Variants in FER1L6 observed in about 807,000 individuals in gnomAD.
The protein encoded by FER1L6 is fer-1-like protein 6.
FER1L6 carries 177 observed loss-of-function variants against 219.2 expected under a neutral mutation model. The ratio of observed to expected loss-of-function variants is 0.81; its 90% CI spans 0.71 to 0.91. The LOEUF (loss-of-function observed/expected upper bound fraction) is 0.91, where lower values mean the gene tolerates loss of function less well. FER1L6 is among the 40% of genes least tolerant of loss of function. The probability of loss-of-function intolerance (pLI) is 0.00; values close to 1 mark genes in which losing one functional copy is unlikely to be tolerated. For synonymous variants in FER1L6, 768 were observed against 824.3 expected (o/e 0.93, Z 1.17); for missense variants, 2,153 against 2,259.9 (o/e 0.95, Z 0.96).
chr8:123,980,727 A>C lies in FER1L6; in HGVS notation c.1326A>C (p.Lys442Asn), dbSNP rs933328316. ...CCAAAGGTAAAGACAAGGCTGACAAAACTGAAGATGGAAAATCCCAACAGG... is the reference window on the plus strand; with the variant it reads ...CCAAAGGTAAAGACAAGGCTGACAACACTGAAGATGGAAAATCCCAACAGG... ...KSSKGKDKAD[K>N]TEDGKSQQAS... is the part of the protein sequence containing the mutation. The change falls in exon 11 of 41, where the codon AAA (lysine) becomes AAC (asparagine). Residue 442 changes from lysine to asparagine, a missense_variant. By Grantham distance (94) the Lys-to-Asn change is moderately conservative. Transcript: ENST00000522917. 3.3e-5 allele frequency: 53 copies of C among 1,614,038 alleles called. No homozygotes were observed. The highest frequency in any genetic ancestry group is 4.3e-5 in the Non-Finnish European group (51 of 1,180,024).
At chr8:123,976,217 T>G (rs529370982) in intron 9 of FER1L6, 133 bp downstream of exon 9, 25 of 741,798 alleles carry the variant, frequency 3.4e-5, no homozygotes, top group Non-Finnish European at 5.1e-5. Context: ...AAAAAGGCAA[T>G]GGGGCCAGGC....
rs376465322 is a variant in FER1L6, at chr8:124,076,282, C to T, written c.4177C>T (p.Arg1393Trp). The change falls in exon 32 of 41, where the codon CGG becomes TGG. Residue 1393 changes from arginine to tryptophan, a missense_variant. Transcript: ENST00000522917. ...IKLGKTEIKDRDKYIPKQLNP... is the reference protein window; with the variant it reads ...IKLGKTEIKDWDKYIPKQLNP... Reference sequence around the variant, plus strand: ...GCTTGGCAAGACAGAAATCAAAGACCGGGATAAATACATCCCTAAACAACT... The same window carrying T: ...GCTTGGCAAGACAGAAATCAAAGACTGGGATAAATACATCCCTAAACAACT... The T allele has an allele frequency of 4.5e-5, 72 of 1,613,792 alleles. No homozygotes were observed. In the African/African-American group the frequency reaches 8.1e-4, roughly 18 times the overall value.
Position 123,853,473 on chromosome 8 carries a change from T to C in FER1L6, c.-8+1288T>C, listed in dbSNP as rs537303879. On this transcript the variant is annotated intron_variant, in intron 1 of 40. Transcript: ENST00000522917. This position sits in a 1 kb window ranked among gnomAD's most constrained non-coding sequence, Gnocchi z 6.6. ...CCCGGCCTAAAATAGAAGAAATCAT[T>C]TTTATTCAACAGTTCTTAGAAAGGT... Among the ~76,000 whole-genome samples, 4 of 152,204 alleles carry C rather than the reference T, an allele frequency of 2.6e-5. No individual in the cohort carries two copies. The highest frequency in any genetic ancestry group is 4.8e-5 in the African/African-American group (2 of 41,452).
intron 2 of FER1L6, among the ~76,000 whole-genome samples, chr8:123,956,681 G>T (rs9297681): frequency 0.045 from 6,867 of 152,314 alleles, 436 homozygotes; most frequent in African/African-American, 0.14. Context: ...AGTGTCAAGA[G>T]GGTGACCGCA....
At chr8:124,012,297 C>T (rs1401046914) in intron 14 of FER1L6, among the ~76,000 whole-genome samples, 1 of 152,222 alleles carries the variant, frequency 6.6e-6, no homozygotes. Context: ...GGTCAGGAGG[C>T]CTAGTCTGGG....
intron 5 of FER1L6, among the ~76,000 whole-genome samples, chr8:123,967,771 C>T (rs1011046593): frequency 2.6e-5 from 4 of 152,122 alleles, no homozygotes; most frequent in Non-Finnish European, 4.4e-5. Flanking sequence ...GCCTGACCAA[C>T]GTGGTGAAAC....
At chr8:124,004,074 T>C (rs1817547611) in intron 13 of FER1L6, 1 of 143,904 alleles carries the variant, frequency 6.9e-6, no homozygotes, top group African/African-American at 2.6e-5. Context: ...CATCATTTCT[T>C]ATCTTATTTT....
chr8:123,910,285 C>G (rs4871421), intron 1 of FER1L6, among the ~76,000 whole-genome samples: 39,949 of 152,108 alleles, frequency 0.26, 5,534 homozygotes, highest in East Asian at 0.43. Flanking sequence ...GAGAATTTGA[C>G]TGGGGAAAGA....
intron 20 of FER1L6, among the ~76,000 whole-genome samples, chr8:124,043,621 C>T (rs1252087728): frequency 1.3e-5 from 2 of 152,216 alleles, no homozygotes; most frequent in Non-Finnish European, 2.9e-5. Flanking sequence ...TTTAAAGTCA[C>T]ATGGCTGATA....
chr8:123,962,749 T>A (rs1314403378), intron 2 of FER1L6, among the ~76,000 whole-genome samples: 3 of 152,210 alleles, frequency 2.0e-5, no homozygotes, highest in African/African-American at 7.2e-5. Flanking sequence ...TGCCTTAGCC[T>A]CCCAAGTAGC....
chr8:124,000,420 T>TG (rs367619369), intron 12 of FER1L6, among the ~76,000 whole-genome samples: 28 of 152,182 alleles, frequency 1.8e-4, no homozygotes, highest in African/African-American at 5.1e-4. Flanking sequence ...GGTCTTTCTG[T>TG]GGGGGGTGAT....
chr8:124,094,927 C>G lies in FER1L6; in HGVS notation c.4584C>G (p.Ala1528=). The change falls in exon 35 of 41, where the codon GCC becomes GCG. Residue 1528 remains alanine (A), a synonymous_variant. Coordinates refer to ENST00000522917, the MANE Select transcript of FER1L6 (RefSeq NM_001039112.2). The part of the protein sequence containing the change: ...DETVESYEHL[A]LKVLHSWEDI... ...CAGTGGAGTCTTATGAACACCTGGC[C>G]CTCAAGGTTTTACACTCTTGGGAGG... 1 of 1,614,084 alleles carries G rather than the reference C, an allele frequency of 6.2e-7. No homozygotes were observed.
At chr8:124,071,865 G>A (rs189105374) in intron 31 of FER1L6, among the ~76,000 whole-genome samples, 41 of 152,206 alleles carry the variant, frequency 2.7e-4, no homozygotes, top group Admixed American at 2.1e-3. Context: ...CTCTGTGCAC[G>A]TGTATATAGG....
At chr8:123,997,506 G>A (rs1363807930) in intron 12 of FER1L6, among the ~76,000 whole-genome samples, 1 of 152,064 alleles carries the variant, frequency 6.6e-6, no homozygotes. Context: ...GATTAAATCT[G>A]CTTGGTGTTC....
intron 31 of FER1L6, among the ~76,000 whole-genome samples, chr8:124,074,955 A>C (rs1359160601): frequency 6.6e-6 from 1 of 152,120 alleles, no homozygotes; most frequent in Admixed American, 6.5e-5. Flanking sequence ...AAAATGGTAC[A>C]CCTGTCTAGG....
chr8:123,985,512 A>T (rs1168235484), intron 11 of FER1L6: 2 of 153,372 alleles, frequency 1.3e-5, no homozygotes, highest in Non-Finnish European at 2.9e-5. Context: ...TGTGGTGAGT[A>T]TACTTGGCGA....
intron 17 of FER1L6, among the ~76,000 whole-genome samples, chr8:124,021,996 T>C (rs7842532): frequency 0.65 from 98,609 of 152,070 alleles, 33,811 homozygotes; most frequent in African/African-American, 0.88. Flanking sequence ...GTAAAGGGCA[T>C]GGCAGCTTCT....
chr8:123,895,338 G>T (rs1470400174), intron 1 of FER1L6, among the ~76,000 whole-genome samples: 1 of 152,210 alleles, frequency 6.6e-6, no homozygotes. Context: ...AGGTCTTTTG[G>T]CTGTTAAGGA....
intron 31 of FER1L6, among the ~76,000 whole-genome samples, chr8:124,072,482 G>A (rs1262538471): frequency 6.6e-6 from 1 of 152,146 alleles, no homozygotes; most frequent in Non-Finnish European, 1.5e-5. Flanking sequence ...TTTTGTAATT[G>A]TATTATTTTA....
Sources: gnomAD v4.1 joint callset for allele counts (sites outside exome capture counted in the v4.1 genomes callset) on GRCh38, gnomAD v4.1.1 for gene constraint, Gnocchi (gnomAD v3.1) non-coding constraint, MANE v1.5 for transcripts, NCBI Gene and HGNC (gene_info 2026-07-23, HGNC 2026-07-21) for gene names.